SRSF12: variants seen among roughly 807,000 people sequenced by gnomAD.
SRSF12 encodes serine/arginine-rich splicing factor 12.
A neutral mutation model predicts 34.1 loss-of-function variants in SRSF12; 21 were observed. The ratio of observed to expected loss-of-function variants is 0.62; its 90% CI spans 0.44 to 0.89. SRSF12 has a LOEUF of 0.89. SRSF12 is among the 40% of genes least tolerant of loss of function. The pLI is 0.00. For missense variants in SRSF12, 278 were observed against 327.8 expected (o/e 0.85, Z 1.17); for synonymous variants, 111 against 110.8 (o/e 1.00, Z -0.01).
intron 2 of SRSF12, 55 bp downstream of exon 2, chr6:89,107,099 T>C (rs1259177701): frequency 7.1e-7 from 1 of 1,408,566 alleles, no homozygotes; most frequent in African/African-American, 1.4e-5. Context: ...AATACATATA[T>C]GTATAAGCAC....
At chr6:89,104,260 G>A (rs980549280) in intron 4 of SRSF12, among the ~76,000 whole-genome samples, 6 of 139,318 alleles carry the variant, frequency 4.3e-5, no homozygotes, top group South Asian at 2.2e-4. Context: ...GTTTTGAGAC[G>A]GAGTCTCGCT....
intron 4 of SRSF12, among the ~76,000 whole-genome samples, chr6:89,104,132 G>A (rs976705203): frequency 7.3e-6 from 1 of 136,978 alleles, no homozygotes; most frequent in Non-Finnish European, 1.5e-5. Context: ...ACATTTTATT[G>A]TATTTCTTAC....
chr6:89,098,692 C>A lies in SRSF12; in HGVS notation c.672G>T (p.Pro224=). The A allele has an allele frequency of 1.9e-6, 3 of 1,613,908 alleles. No individual in the cohort carries two copies. The highest frequency in any genetic ancestry group is 1.7e-6 in the Non-Finnish European group (2 of 1,179,876). Residue 224 remains proline, a synonymous_variant, in exon 5 of 5, where the codon CCG becomes CCT. Transcript: ENST00000452027. ...TGGTATACCCTTTGGGAGATTTACA[C>A]GGGGATCTTGCTATTGAGTCAGAAT... ...GRHSDSIARS[P]CKSPKGYTNS...
rs41273303 is a variant in SRSF12, at chr6:89,098,631, G to A, written c.733C>T (p.His245Tyr). 3 of 1,613,706 alleles carry A rather than the reference G, an allele frequency of 1.9e-6. No individual in the cohort carries two copies. The highest frequency in any genetic ancestry group is 1.7e-5 in the Admixed American group (1 of 59,988). The change falls in exon 5 of 5, where the codon CAT (histidine) becomes TAT (tyrosine). Residue 245 changes from histidine to tyrosine, a missense_variant. Coordinates refer to ENST00000452027, the MANE Select transcript of SRSF12 (RefSeq NM_080743.5). ...ETKVQTAKHS[H>Y]FRSHSRSRSY... ...CGAGATCTGGAATGTGACCGAAAAT[G>A]AGAATGCTTTGCTGTTTGTACTTTA...
Position 89,098,060 on chromosome 6 carries a change from T to C in SRSF12, c.*518A>G, listed in dbSNP as rs1356129733. On this transcript the variant is annotated 3_prime_UTR_variant, in exon 5 of 5. Coordinates refer to ENST00000452027, the MANE Select transcript of SRSF12 (RefSeq NM_080743.5). ...TTTGAATGTTTGATCTCTATATATATTCTACTTTTTGGAACATCAGAATTT... is the reference window on the plus strand; with the variant it reads ...TTTGAATGTTTGATCTCTATATATACTCTACTTTTTGGAACATCAGAATTT... 1.3e-5 allele frequency: 2 copies of C among 152,934 alleles called. No individual in the cohort carries two copies. Among genetic ancestry groups the C allele is most frequent in the African/African-American group, 2.4e-5 (1 of 41,468 alleles). 9.5% of individuals were successfully genotyped at this position (152,934 alleles called of 1,614,324 possible).
intron 1 of SRSF12, among the ~76,000 whole-genome samples, chr6:89,110,008 G>A (rs1380769566): frequency 2.0e-5 from 3 of 152,034 alleles, no homozygotes; most frequent in Non-Finnish European, 2.9e-5. Context: ...GGAGAATGGT[G>A]TGAACCCAGG....
chr6:89,117,518 A>C (rs1769362311), intron 1 of SRSF12, among the ~76,000 whole-genome samples: 1 of 152,146 alleles, frequency 6.6e-6, no homozygotes, highest in South Asian at 2.1e-4. Flanking sequence ...TGAGCTCGGG[A>C]GAGGGGCGCC....
At chr6:89,111,466 TAATA>T (rs1002052941) in intron 1 of SRSF12, among the ~76,000 whole-genome samples, 4 of 152,210 alleles carry the variant, frequency 2.6e-5, no homozygotes, top group Admixed American at 2.6e-4. Context: ...TGTTTGCTGT[TAATA>T]TATAGAAATA....
At position 89,098,709 on chromosome 6, in the gene SRSF12, A is replaced by G; in HGVS notation, c.655T>C (p.Ser219Pro). Residue 219 changes from serine (S) to proline (P), a missense_variant, in exon 5 of 5, where the codon TCA becomes CCA. Ser to Pro is a moderately conservative substitution (Grantham distance 74). Coordinates refer to ENST00000452027, the MANE Select transcript of SRSF12 (RefSeq NM_080743.5). ...KSRSHGRHSD[S>P]IARSPCKSPK... ...GATTTACACGGGGATCTTGCTATTGAGTCAGAATGTCTTCCATGTGATCTT... is the reference window on the plus strand; with the variant it reads ...GATTTACACGGGGATCTTGCTATTGGGTCAGAATGTCTTCCATGTGATCTT... 6.2e-7 allele frequency: 1 copy of G among 1,613,970 alleles called. No individual in the cohort carries two copies.
At chr6:89,101,348 C>T (rs1768532725) in intron 4 of SRSF12, among the ~76,000 whole-genome samples, 1 of 152,120 alleles carries the variant, frequency 6.6e-6, no homozygotes, top group Non-Finnish European at 1.5e-5. Context: ...TTTCAAAAAG[C>T]TCAATAAACC....
intron 4 of SRSF12, among the ~76,000 whole-genome samples, chr6:89,101,433 G>A (rs1198167479): frequency 1.3e-5 from 2 of 151,974 alleles, no homozygotes; most frequent in African/African-American, 4.8e-5. Flanking sequence ...GAAAAAATCT[G>A]AAAACCGGCC....
intron 3 of SRSF12, 66 bp downstream of exon 3, chr6:89,105,361 A>G: frequency 2.6e-6 from 4 of 1,562,770 alleles, no homozygotes; most frequent in Non-Finnish European, 3.5e-6. Flanking sequence ...TTTTAAATTA[A>G]AAAATCAGTC....
chr6:89,105,668 A>G (rs1439719142), intron 2 of SRSF12, 138 bp from the exon 3 acceptor site: 1 of 565,494 alleles, frequency 1.8e-6, no homozygotes, highest in Non-Finnish European at 2.9e-6. Context: ...TAATATGAAT[A>G]ATCAGAAAAA....
chr6:89,109,795 C>G (rs1280303935), intron 1 of SRSF12, among the ~76,000 whole-genome samples: 1 of 152,176 alleles, frequency 6.6e-6, no homozygotes, highest in East Asian at 1.9e-4. Context: ...TATCTACCAA[C>G]AAGATTTATT....
At chr6:89,117,579 G>GC (rs1181914049) in intron 1 of SRSF12, among the ~76,000 whole-genome samples, 4 of 152,182 alleles carry the variant, frequency 2.6e-5, no homozygotes, top group Non-Finnish European at 5.9e-5. Flanking sequence ...AAAGCGACGC[G>GC]GGCCCGGGAC....
At chr6:89,104,534 C>G (rs1768696337) in intron 4 of SRSF12, among the ~76,000 whole-genome samples, 1 of 152,006 alleles carries the variant, frequency 6.6e-6, no homozygotes, top group African/African-American at 2.4e-5. Context: ...CTGCACGCGG[C>G]TGAGTATGTA....
intron 2 of SRSF12, chr6:89,106,738 C>CTT (rs1367105970): frequency 1.5e-5 from 5 of 327,756 alleles, no homozygotes; most frequent in African/African-American, 1.1e-4. Context: ...GCAAGATGGA[C>CTT]TTTATAAGAG....
Position 89,097,158 on chromosome 6 carries a change from C to T in SRSF12, c.*1420G>A, listed in dbSNP as rs960286415. ...TCAAAACAAATAGAAGCAACACTGG[C>T]TCCTATATACTAAAAATATAAGACA... On this transcript the variant is annotated 3_prime_UTR_variant, in exon 5 of 5. Transcript: ENST00000452027. The T allele has an allele frequency of 6.6e-6, 1 of 152,072 alleles. No homozygotes were observed. Among genetic ancestry groups the T allele is most frequent in the Non-Finnish European group, 1.5e-5 (1 of 68,028 alleles). 9.4% of individuals were successfully genotyped at this position (152,072 alleles called of 1,614,324 possible).
At chr6:89,114,452 A>C (rs1174387340) in intron 1 of SRSF12, among the ~76,000 whole-genome samples, 1 of 152,166 alleles carries the variant, frequency 6.6e-6, no homozygotes, top group Non-Finnish European at 1.5e-5. Flanking sequence ...AAACAAAAAA[A>C]CCACCATACA....
Sources: gnomAD v4.1 joint callset for allele counts (sites outside exome capture counted in the v4.1 genomes callset) on GRCh38, gnomAD v4.1.1 for gene constraint, MANE v1.5 for transcripts, NCBI Gene and HGNC (gene_info 2026-07-23, HGNC 2026-07-21) for gene names.